The following FN1 variants were observed in gnomAD, a reference collection of about 807,000 sequenced individuals.
FN1 encodes fibronectin.
FN1 carries 106 observed loss-of-function variants against 297.3 expected under a neutral mutation model. The ratio of observed to expected loss-of-function variants is 0.36; its 90% confidence interval spans 0.30 to 0.42. The LOEUF is 0.42. Ranked by LOEUF, FN1 falls within the 10% of genes least tolerant of loss-of-function variation. The pLI, the probability that FN1 is intolerant of heterozygous loss-of-function variation, is 1.00. For missense variants in FN1, 2,690 were observed against 3,124.9 expected (o/e 0.86, Z 3.32); for synonymous variants, 1,149 against 1,152.6 (o/e 1.00, Z 0.06).
chr2:215,378,298 T>G (rs752583719), intron 34 of FN1, 36 bp from the exon 35 acceptor site: 5 of 1,160,418 alleles, frequency 4.3e-6, no homozygotes, highest in Non-Finnish European at 6.5e-6. Flanking sequence ...TTTAGCAACG[T>G]CCTCAACTGA....
Position 215,367,950 on chromosome 2 carries a change from C to T in FN1, c.6931G>A (p.Glu2311Lys). Residue 2311 changes from glutamate to lysine, a missense_variant, in exon 42 of 46, where the codon GAG (glutamate) becomes AAG (lysine). Coordinates refer to ENST00000354785, the MANE Select transcript of FN1 (RefSeq NM_212482.4). ...CCTGATTCAGACATTCGTTCCCACT[C>T]ATCTCCAACGGCATAATGGGAAACT... The part of the protein sequence containing the change: ...YTVSHYAVGD[E>K]WERMSESGFK... 6.2e-7 allele frequency: 1 copy of T among 1,614,098 alleles called. No individual in the cohort carries two copies. Among genetic ancestry groups the T allele is most frequent in the East Asian group, 2.2e-5 (1 of 44,880 alleles).
Position 215,361,472 on chromosome 2 carries a change from TA to T in FN1, c.*82del. The stretch of plus-strand genomic sequence containing the variant: ...GGGCTTAAGAAAGAAAGAAGAACTC[TA>T]AGCTGGGTCTGCTAACATCACTCCA... On this transcript the variant is annotated 3_prime_UTR_variant, in exon 46 of 46. Coordinates refer to ENST00000354785, the MANE Select transcript of FN1 (RefSeq NM_212482.4). 1.0e-6 allele frequency: 1 copy of T among 997,144 alleles called. No individual in the cohort carries two copies. Among genetic ancestry groups the T allele is most frequent in the Non-Finnish European group, 1.6e-6 (1 of 616,504 alleles). The allele number at this position is 997,144 out of a possible 1,614,324, so 61.8% of individuals were successfully genotyped here.
intron 13 of FN1, 31 bp downstream of exon 13, chr2:215,414,805 CA>C (rs1559530763): frequency 1.2e-6 from 2 of 1,613,484 alleles, no homozygotes; most frequent in South Asian, 2.2e-5. Flanking sequence ...TTAGGAGACT[CA>C]GTATCCAAGG....
Position 215,409,546 on chromosome 2 carries a change from C to A in FN1, c.2299+17G>T. The stretch of plus-strand genomic sequence containing the variant: ...GCAGCTGCCCTGAACCTGTCTTGAG[C>A]GACATATTGAGCTTACCCAGGTACT... On this transcript the variant is annotated intron_variant, in intron 15 of 45. Coordinates refer to ENST00000354785, the MANE Select transcript of FN1 (RefSeq NM_212482.4). The A allele has an allele frequency of 3.1e-6, 5 of 1,611,450 alleles. No homozygotes were observed. The highest frequency in any genetic ancestry group is 4.2e-4 in the Middle Eastern group (2 of 4,784).
rs749090072 is a variant in FN1 at position 215,404,435 on chromosome 2, T to A, written c.3207A>T (p.Ile1069=). Residue 1069 remains isoleucine, a synonymous_variant, in exon 20 of 46, where the codon ATA becomes ATT. Coordinates refer to ENST00000354785, the MANE Select transcript of FN1 (RefSeq NM_212482.4). The stretch of plus-strand genomic sequence containing the variant: ...CTTTGGGGCTCTCTTGGTTGCCCTT[T>A]ATGGCCACGAGGGATACGGTGTACT... The part of the protein sequence containing the change: ...ASEYTVSLVA[I]KGNQESPKAT... 14 of 1,614,078 alleles carry A rather than the reference T, an allele frequency of 8.7e-6. No individual in the cohort carries two copies. Among genetic ancestry groups the A allele is most frequent in the African/African-American group, 1.3e-5 (1 of 74,936 alleles).
intron 26 of FN1, among the ~76,000 whole-genome samples, chr2:215,388,957 C>G (rs2372542): frequency 0.043 from 6,501 of 152,156 alleles, 442 homozygotes; most frequent in African/African-American, 0.15. Context: ...TTGACCCAGG[C>G]CAGGACTAGT....
rs918315152 is a variant in FN1, at chr2:215,414,839, G to A, written c.1939C>T (p.Pro647Ser). The A allele has an allele frequency of 4.3e-5, 70 of 1,613,516 alleles. No homozygotes were observed. The highest frequency in any genetic ancestry group is 5.9e-5 in the Non-Finnish European group (70 of 1,179,692). The change falls in exon 13 of 46, where the codon CCT (proline) becomes TCT (serine). Residue 647 changes from proline to serine, a missense_variant and splice_region_variant. Pro to Ser is a moderately conservative substitution (Grantham distance 74). Coordinates refer to ENST00000354785, the MANE Select transcript of FN1 (RefSeq NM_212482.4). ...AGGTTTCTGGGTGGGATACTCACAG[G>A]TCTCCACCTGAGAATGTACTTGGAA... is the stretch of plus-strand genomic sequence containing the variant. The part of the protein sequence containing the change: ...HISKYILRWR[P>S]KNSVGRWKEA...
Position 215,385,960 on chromosome 2 carries a change from T to G in FN1, c.4612+729A>C, listed in dbSNP as rs144882871. Reference sequence around the variant, plus strand: ...GCCCAGCTAATTTTTGTATTTTTAGTAGAGACGAGGTTTCATCATGTTGGC... The same window carrying G: ...GCCCAGCTAATTTTTGTATTTTTAGGAGAGACGAGGTTTCATCATGTTGGC... On this transcript the variant is annotated intron_variant, in intron 28 of 45. Coordinates refer to ENST00000354785, the MANE Select transcript of FN1 (RefSeq NM_212482.4). 7.1e-3 allele frequency among the ~76,000 whole-genome samples: 1,079 copies of G among 151,512 alleles called. 17 individuals are homozygous for G. The highest frequency in any genetic ancestry group is 0.025 in the African/African-American group (1,026 of 41,252).
At position 215,373,328 on chromosome 2, in the gene FN1, T is replaced by C; in HGVS notation, c.6241A>G (p.Lys2081Glu). 1.2e-6 allele frequency: 2 copies of C among 1,612,880 alleles called. No homozygotes were observed. Among genetic ancestry groups the C allele is most frequent in the Non-Finnish European group, 1.7e-6 (2 of 1,179,040 alleles). ...ACCTGCAAGATACTCTTACCTGTCT[T>C]TTTCCTTCCAATCAGGGGCTCGCTC... ...QKSEPLIGRK[K>E]TDELPQLVTL... The change falls in exon 39 of 46, where the codon AAG becomes GAG. Residue 2081 changes from lysine (K) to glutamate (E), a missense_variant. By Grantham distance (56) the Lys-to-Glu change is moderately conservative. Transcript: ENST00000354785.
At chr2:215,404,311 T>G in intron 20 of FN1, 78 bp downstream of exon 20, 4 of 1,360,474 alleles carry the variant, frequency 2.9e-6, no homozygotes, top group Non-Finnish European at 4.1e-6. Flanking sequence ...TTTTTTTGTT[T>G]TGTTTTGTTT....
chr2:215,395,616 TAA>T (rs916824280), intron 23 of FN1, among the ~76,000 whole-genome samples: 1 of 151,478 alleles, frequency 6.6e-6, no homozygotes, highest in African/African-American at 2.4e-5. Context: ...AATTGGGCAG[TAA>T]AAGAGTTGAG....
intron 20 of FN1, among the ~76,000 whole-genome samples, chr2:215,400,751 C>CA (rs1175226865): frequency 0.51 from 29,034 of 56,518 alleles, 8,301 homozygotes; most frequent in East Asian, 0.84. Flanking sequence ...GGCTCCATCT[C>CA]AAAAAAAAAA....
chr2:215,393,242 GAAAATAGAGGGAAAAA>G, intron 24 of FN1, 39 bp from the exon 25 acceptor site: 1 of 1,600,476 alleles, frequency 6.2e-7, no homozygotes, highest in African/African-American at 1.3e-5. Context: ...GAGGCAAAAG[GAAAATAGAGGGAAAAA>G]AAGAGGAAAA....
chr2:215,367,981 G>A lies in FN1; in HGVS notation c.6900C>T (p.Pro2300=). ...CAACGGCATAATGGGAAACTGTGTA[G>A]GGGTCAAAGCACGAGTCATCCGTAG... ...NQPTDDSCFD[P]YTVSHYAVGD... The change falls in exon 42 of 46, where the codon CCC becomes CCT. Residue 2300 remains proline, a synonymous_variant. Transcript: ENST00000354785. 6.2e-7 allele frequency: 1 copy of A among 1,614,206 alleles called. No homozygotes were observed. Among genetic ancestry groups the A allele is most frequent in the Non-Finnish European group, 8.5e-7 (1 of 1,180,006 alleles).
rs777265256 is a variant in FN1 at position 215,425,264 on chromosome 2, A to T, written c.866T>A (p.Val289Asp). 2 of 1,614,168 alleles carry T rather than the reference A, an allele frequency of 1.2e-6. No homozygotes were observed. The highest frequency in any genetic ancestry group is 1.7e-6 in the Non-Finnish European group (2 of 1,180,040). ...CTGCGGTTGGTAAACAGCTGCACGA[A>T]CATCGGTGAAGGGGCCAGATCCTAA... ...TSSGSGPFTD[V>D]RAAVYQPQPH... Residue 289 changes from valine to aspartate, a missense_variant, in exon 7 of 46, where the codon GTT becomes GAT. Transcript: ENST00000354785.
chr2:215,393,891 G>A (rs985839964), intron 24 of FN1, among the ~76,000 whole-genome samples: 15 of 152,166 alleles, frequency 9.9e-5, no homozygotes, highest in African/African-American at 3.6e-4. Context: ...TCTGTCCAAT[G>A]CTTTCATTAT....
At chr2:215,370,467 G>A (rs762705003) in intron 40 of FN1, 35 bp from the exon 41 acceptor site, 1 of 1,588,134 alleles carries the variant, frequency 6.3e-7, no homozygotes, top group Admixed American at 1.7e-5. Flanking sequence ...CAGAGAGAAA[G>A]CATTATAGTG....
rs1482228900 is a variant in FN1 at position 215,361,618 on chromosome 2, A to G, written c.7371T>C (p.Asn2457=). ...RYHQRTNTNV[N]CPIECFMPLD... ...AAGGCATGAAGCACTCAATTGGGCA[A>G]TTAACATTCTGTTAAAAAGGAAGAA... The change falls in exon 46 of 46, where the codon AAT becomes AAC. Residue 2457 remains asparagine, a synonymous_variant. Coordinates refer to ENST00000354785, the MANE Select transcript of FN1 (RefSeq NM_212482.4). 6.2e-7 allele frequency: 1 copy of G among 1,610,388 alleles called. No individual in the cohort carries two copies. The highest frequency in any genetic ancestry group is 8.5e-7 in the Non-Finnish European group (1 of 1,176,724).
intron 27 of FN1, among the ~76,000 whole-genome samples, chr2:215,387,186 A>G (rs144765005): frequency 3.3e-5 from 5 of 152,128 alleles, no homozygotes; most frequent in African/African-American, 4.8e-5. Flanking sequence ...TCAAGCATTC[A>G]TTTTTTTCTT....
Sources: gnomAD v4.1 joint callset for allele counts (sites outside exome capture counted in the v4.1 genomes callset) on GRCh38, gnomAD v4.1.1 for gene constraint, MANE v1.5 for transcripts, NCBI Gene and HGNC (gene_info 2026-07-23, HGNC 2026-07-21) for gene names.